Variants in MYO6 observed in about 807,000 individuals in gnomAD.
MYO6 encodes the protein myosin VI.
In MYO6, 74 loss-of-function variants were observed where a neutral mutation model predicts 178.7. That is an observed-to-expected ratio of 0.41 (90% CI 0.34 to 0.50). The LOEUF (loss-of-function observed/expected upper bound fraction) is 0.50. Ranked by LOEUF, MYO6 falls within the 20% of genes least tolerant of loss-of-function variation. The pLI, the probability that MYO6 is intolerant of heterozygous loss-of-function variation, is 0.09. For synonymous variants in MYO6, 477 were observed against 504.6 expected (o/e 0.95, Z 0.73); for missense variants, 1,330 against 1,547.4 (o/e 0.86, Z 2.36).
chr6:75,750,460 C>T (rs1220027080), intron 1 of MYO6, among the ~76,000 whole-genome samples: 1 of 150,770 alleles, frequency 6.6e-6, no homozygotes, highest in Non-Finnish European at 1.5e-5. Context: ...TCCTGATTTA[C>T]AAGTATTAGT....
intron 1 of MYO6, among the ~76,000 whole-genome samples, chr6:75,813,879 T>C (rs572988851): frequency 6.6e-6 from 1 of 152,252 alleles, no homozygotes; most frequent in East Asian, 1.9e-4. Context: ...TGTTCTCTAT[T>C]CTACTGGGAC....
chr6:75,845,073 TCTAA>T (rs1309249861), intron 10 of MYO6, 96 bp downstream of exon 10: 12 of 1,009,022 alleles, frequency 1.2e-5, no homozygotes, highest in Non-Finnish European at 1.6e-5. Context: ...AAGTAAGAGT[TCTAA>T]CTTTTAGGCT....
chr6:75,894,823 C>T (rs1779167840), intron 28 of MYO6: 3 of 1,519,378 alleles, frequency 2.0e-6, no homozygotes, highest in East Asian at 2.4e-5. Context: ...GCTTGGATTC[C>T]TATCCGGTAA....
intron 27 of MYO6, among the ~76,000 whole-genome samples, chr6:75,891,899 A>G (rs1054263309): frequency 6.6e-6 from 1 of 152,178 alleles, no homozygotes; most frequent in African/African-American, 2.4e-5. Flanking sequence ...GATAAATAAT[A>G]GTTGCAAGCA....
At chr6:75,766,291 C>G (rs1336993442) in intron 1 of MYO6, among the ~76,000 whole-genome samples, 1 of 151,790 alleles carries the variant, frequency 6.6e-6, no homozygotes, top group Non-Finnish European at 1.5e-5. Context: ...CCATTGTGCT[C>G]CAGCGTGGGT....
intron 10 of MYO6, among the ~76,000 whole-genome samples, chr6:75,847,314 T>C (rs928100029): frequency 1.3e-5 from 2 of 152,120 alleles, no homozygotes; most frequent in Non-Finnish European, 2.9e-5. Context: ...AAGACAATTA[T>C]AGCTTGAGCT....
chr6:75,874,767 T>C (rs1366693002), intron 20 of MYO6, among the ~76,000 whole-genome samples: 1 of 152,242 alleles, frequency 6.6e-6, no homozygotes, highest in African/African-American at 2.4e-5. Flanking sequence ...CTTATTTTTC[T>C]CCAGTTCCTT....
intron 1 of MYO6, among the ~76,000 whole-genome samples, chr6:75,757,212 G>T (rs62414766): frequency 4.8e-5 from 7 of 145,344 alleles, no homozygotes; most frequent in Non-Finnish European, 9.1e-5. Context: ...TATGTATATA[G>T]ACATATATAC....
chr6:75,774,130 A>T (rs1040049034), intron 1 of MYO6, among the ~76,000 whole-genome samples: 2 of 152,200 alleles, frequency 1.3e-5, no homozygotes, highest in African/African-American at 4.8e-5. Context: ...TTGATGAATT[A>T]TGTAAATGAA....
chr6:75,854,805 A>T (rs1350163400), intron 11 of MYO6, among the ~76,000 whole-genome samples: 2 of 152,140 alleles, frequency 1.3e-5, no homozygotes, highest in African/African-American at 4.8e-5. Context: ...ATGATGAGAT[A>T]CTCTATTTCT....
At chr6:75,855,704 A>G (rs1775670382) in intron 12 of MYO6, among the ~76,000 whole-genome samples, 1 of 152,210 alleles carries the variant, frequency 6.6e-6, no homozygotes, top group South Asian at 2.1e-4. Flanking sequence ...AGAAATTACA[A>G]ATGACGAGAA....
At chr6:75,805,312 A>G (rs146442649) in intron 1 of MYO6, among the ~76,000 whole-genome samples, 1,907 of 152,062 alleles carry the variant, frequency 0.013, 20 homozygotes, top group Non-Finnish European at 0.02. Context: ...GCCTTAACCT[A>G]ACTATATTTC....
chr6:75,794,043 G>GA (rs752947302), intron 1 of MYO6, among the ~76,000 whole-genome samples: 1 of 152,180 alleles, frequency 6.6e-6, no homozygotes, highest in Non-Finnish European at 1.5e-5. Context: ...AGAGACAATG[G>GA]AGGGAAAGTA....
At chr6:75,834,836 C>A (rs1048283014) in intron 6 of MYO6, among the ~76,000 whole-genome samples, 3 of 152,172 alleles carry the variant, frequency 2.0e-5, no homozygotes, top group Non-Finnish European at 2.9e-5. Context: ...TACATACACA[C>A]AATTCTGGTT....
rs539733396 is a variant in MYO6, at chr6:75,854,276, T to C, written c.1079-863T>C. 2.2e-3 allele frequency among the ~76,000 whole-genome samples: 21 copies of C among 9,346 alleles called. No individual in the cohort carries two copies. In the South Asian group the frequency reaches 0.12, roughly 53 times the overall value. 6.1% of individuals were successfully genotyped at this position (9,346 alleles called of 152,430 possible). On this transcript the variant is annotated intron_variant, in intron 11 of 34. Transcript: ENST00000369977. Reference sequence around the variant, plus strand: ...ATGGGTCAAGACCTAACTGCATTGCTTTTTTTTTTTTTTTTTTTTTTTTTT... The same window carrying C: ...ATGGGTCAAGACCTAACTGCATTGCCTTTTTTTTTTTTTTTTTTTTTTTTT...
intron 30 of MYO6, 57 bp downstream of exon 30, chr6:75,898,468 T>C (rs1158963446): frequency 1.5e-5 from 21 of 1,400,600 alleles, no homozygotes; most frequent in Non-Finnish European, 1.9e-5. Context: ...TATTTTTAAA[T>C]TACTTTTGAT....
chr6:75,894,046 C>T (rs898549671), intron 28 of MYO6, among the ~76,000 whole-genome samples: 16 of 152,178 alleles, frequency 1.1e-4, no homozygotes, highest in African/African-American at 3.9e-4. Context: ...GGAAGTACTG[C>T]AGTTGACAGA....
Position 75,858,965 on chromosome 6 carries a change from A to T in MYO6, c.1445A>T (p.Gln482Leu). ...CINYCNEKLQ[Q>L]FFNERILKEE... ...AACTATTGCAATGAAAAACTTCAACAATTTTTTAATGAAAGGATTCTGAAG... is the reference window on the plus strand; with the variant it reads ...AACTATTGCAATGAAAAACTTCAACTATTTTTTAATGAAAGGATTCTGAAG... Residue 482 changes from glutamine to leucine, a missense_variant, in exon 14 of 35, where the codon CAA becomes CTA. Around this residue, in one of 3 missense-constraint regions of MYO6, gnomAD observed 613 missense variants for 816.8 expected, o/e 0.75. Coordinates refer to ENST00000369977, the MANE Select transcript of MYO6 (RefSeq NM_004999.4). 1 of 1,607,430 alleles carries T rather than the reference A, an allele frequency of 6.2e-7. No individual in the cohort carries two copies. The highest frequency in any genetic ancestry group is 8.5e-7 in the Non-Finnish European group (1 of 1,174,594).
Position 75,830,440 on chromosome 6 carries a change from G to A in MYO6, c.286G>A (p.Ala96Thr), listed in dbSNP as rs777778726. The A allele has an allele frequency of 4.3e-6, 7 of 1,611,830 alleles. No individual in the cohort carries two copies. The highest frequency in any genetic ancestry group is 5.9e-6 in the Non-Finnish European group (7 of 1,178,248). ...GACATATGTCGCCAACATTCTGATT[G>A]CAGTGAATCCATACTTTGACATACC... is the stretch of plus-strand genomic sequence containing the variant. ...IYTYVANILIAVNPYFDIPKI... is the reference protein window; with the variant it reads ...IYTYVANILITVNPYFDIPKI... The change falls in exon 5 of 35, where the codon GCA becomes ACA. Residue 96 changes from alanine (A) to threonine (T), a missense_variant. Physicochemically the swap from Ala to Thr is moderately conservative, Grantham distance 58. This residue lies in a region of MYO6 where 613 missense variants were observed against 816.8 expected (regional missense o/e 0.75). Coordinates refer to ENST00000369977, the MANE Select transcript of MYO6 (RefSeq NM_004999.4).
Sources: gnomAD v4.1 joint callset for allele counts (sites outside exome capture counted in the v4.1 genomes callset) on GRCh38, gnomAD v4.1.1 for gene constraint, gnomAD v4.1.1 regional missense constraint, MANE v1.5 for transcripts, NCBI Gene and HGNC (gene_info 2026-07-23, HGNC 2026-07-21) for gene names.